Variants in ULK4 observed in about 807,000 individuals in gnomAD.
ULK4 encodes unc-51 like kinase 4.
In ULK4, 133 loss-of-function variants were observed where a neutral mutation model predicts 160.6. The ratio of observed to expected loss-of-function variants is 0.83; its 90% CI spans 0.72 to 0.96. The LOEUF is 0.96. Among genes scored for constraint, ULK4 ranks in the 40% least tolerant of loss-of-function variants. ULK4 has a pLI of 0.00. For synonymous variants in ULK4, 534 were observed against 539.8 expected (o/e 0.99, Z 0.15); for missense variants, 1,580 against 1,499.5 (o/e 1.05, Z -0.89).
chr3:41,303,738 C>T (rs1365399906), intron 35 of ULK4, among the ~76,000 whole-genome samples: 6 of 152,076 alleles, frequency 3.9e-5, no homozygotes, highest in Admixed American at 2.0e-4. Context: ...TTCAGGGTCA[C>T]CTTGGGTAGC....
intron 2 of ULK4, among the ~76,000 whole-genome samples, chr3:41,953,304 A>ATATATATATATATT (rs1181182812): frequency 8.0e-6 from 1 of 124,816 alleles, no homozygotes; most frequent in African/African-American, 3.1e-5. Context: ...ATATATATAT[A>ATATATATATATATT]TTTTTTTTTT....
At chr3:41,384,413 T>C (rs75199026) in intron 35 of ULK4, among the ~76,000 whole-genome samples, 3,709 of 152,190 alleles carry the variant, frequency 0.024, 160 homozygotes, top group African/African-American at 0.08. Flanking sequence ...AAAAAGACTA[T>C]AATAGTCATT....
chr3:41,431,547 C>CCTTTTTTTTTTTTTTTTTTTTTTTT (rs563543377), intron 34 of ULK4, among the ~76,000 whole-genome samples: 57 of 95,870 alleles, frequency 5.9e-4, no homozygotes, highest in Non-Finnish European at 8.5e-4. Flanking sequence ...AATTCCCTCC[C>CCTTTTTTTTTTTTTTTTTTTTTTTT]TTTTTTTTTT....
Position 41,661,509 on chromosome 3 carries a change from A to AG in ULK4, c.3071+2097_3071+2098insC, listed in dbSNP as rs371341692. On this transcript the variant is annotated intron_variant, in intron 30 of 36. Coordinates refer to ENST00000301831, the MANE Select transcript of ULK4 (RefSeq NM_017886.4). ...GGCAGATAGACAGATAGATAGATAG[A>AG]TGATAGATAGATAGATAGATAAATA... 1.2e-4 allele frequency among the ~76,000 whole-genome samples: 13 copies of AG among 110,726 alleles called. No homozygotes were observed. In the African/African-American group the frequency reaches 1.2e-3, roughly 10 times the overall value. 72.6% of individuals were successfully genotyped at this position (110,726 alleles called of 152,430 possible). A position where few individuals can be genotyped will look rare whatever the true frequency, so the allele number is the denominator to read the frequency against.
At chr3:41,690,559 C>T (rs928022561) in intron 27 of ULK4, among the ~76,000 whole-genome samples, 1 of 151,662 alleles carries the variant, frequency 6.6e-6, no homozygotes. Flanking sequence ...TTCTAGGCAG[C>T]CCTCCTCTTT....
At chr3:41,467,211 T>A (rs952735436) in intron 32 of ULK4, among the ~76,000 whole-genome samples, 25 of 152,188 alleles carry the variant, frequency 1.6e-4, no homozygotes, top group Non-Finnish European at 3.7e-4. Flanking sequence ...ACATAAAGAT[T>A]AATTAGAGCT....
Position 41,693,373 on chromosome 3 carries a change from T to C in ULK4, c.2782-11569A>G, listed in dbSNP as rs140815760. ...TACCCTGAAGATACACCTACAACAA[T>C]AGGAAACTAAATATGAACAAGGTTA... On this transcript the variant is annotated intron_variant, in intron 27 of 36. Coordinates refer to ENST00000301831, the MANE Select transcript of ULK4 (RefSeq NM_017886.4). 5.5e-3 allele frequency among the ~76,000 whole-genome samples: 842 copies of C among 152,244 alleles called. 8 individuals are homozygous for C. Among genetic ancestry groups the C allele is most frequent in the African/African-American group, 0.019 (797 of 41,544 alleles).
intron 30 of ULK4, among the ~76,000 whole-genome samples, chr3:41,640,629 T>C (rs2034145786): frequency 6.6e-6 from 1 of 152,124 alleles, no homozygotes; most frequent in African/African-American, 2.4e-5. Context: ...TGTCTCAAAA[T>C]GCTTAAGTCT....
chr3:41,532,401 T>A (rs186730487), intron 32 of ULK4, among the ~76,000 whole-genome samples: 1 of 152,326 alleles, frequency 6.6e-6, no homozygotes, highest in East Asian at 1.9e-4. Flanking sequence ...ATCCCCTTTC[T>A]TCATTTTATT....
At chr3:41,333,063 G>A (rs1221690325) in intron 35 of ULK4, among the ~76,000 whole-genome samples, 1 of 152,206 alleles carries the variant, frequency 6.6e-6, no homozygotes, top group African/African-American at 2.4e-5. Flanking sequence ...GCAAAGCCAT[G>A]ATAAACCCCA....
At chr3:41,363,777 G>T (rs2081195558) in intron 35 of ULK4, among the ~76,000 whole-genome samples, 1 of 152,150 alleles carries the variant, frequency 6.6e-6, no homozygotes, top group Admixed American at 6.5e-5. Flanking sequence ...CTTTCTCTGT[G>T]ACAAGCACTA....
intron 20 of ULK4, among the ~76,000 whole-genome samples, chr3:41,792,284 GGTGT>G (rs149631008): frequency 6.6e-6 from 1 of 151,556 alleles, no homozygotes; most frequent in Non-Finnish European, 1.5e-5. Flanking sequence ...GAGAGGTAGG[GGTGT>G]GTGTGTGTAT....
rs748553286 is a variant in ULK4, at chr3:41,541,927, T to C, written c.3226+24098A>G. ...TTAACTAGACTTTGGGCTGAGATTA[T>C]AGGTTTTCTAAATATACTATCATGT... On this transcript the variant is annotated intron_variant, in intron 32 of 36. Transcript: ENST00000301831. Among the ~76,000 whole-genome samples the C allele has an allele frequency of 6.6e-5, 10 of 152,202 alleles. No homozygotes were observed. The East Asian group carries it at 1.2e-3, about 18-fold the overall frequency.
chr3:41,283,029 A>G (rs969184445), intron 35 of ULK4, among the ~76,000 whole-genome samples: 10 of 152,244 alleles, frequency 6.6e-5, no homozygotes, highest in Non-Finnish European at 1.0e-4. Flanking sequence ...TATGCAGCCA[A>G]CAGACACATG....
intron 35 of ULK4, among the ~76,000 whole-genome samples, chr3:41,275,426 T>G (rs2079212923): frequency 6.6e-6 from 1 of 152,174 alleles, no homozygotes; most frequent in Non-Finnish European, 1.5e-5. Flanking sequence ...AGCAAACCAT[T>G]AAGTACACAG....
intron 35 of ULK4, among the ~76,000 whole-genome samples, chr3:41,256,211 T>C (rs1420592337): frequency 6.6e-6 from 1 of 152,212 alleles, no homozygotes; most frequent in Non-Finnish European, 1.5e-5. Context: ...TCTTGGCCTT[T>C]TGGCTAAGAT....
intron 30 of ULK4, among the ~76,000 whole-genome samples, chr3:41,623,064 A>G (rs2033332604): frequency 6.6e-6 from 1 of 152,196 alleles, no homozygotes; most frequent in African/African-American, 2.4e-5. Context: ...ATAAAATAAA[A>G]TCATATTCCT....
intron 32 of ULK4, among the ~76,000 whole-genome samples, chr3:41,564,449 CTTTTTTTTTTT>C (rs71075476): frequency 6.2e-5 from 5 of 80,930 alleles, no homozygotes; most frequent in African/African-American, 1.9e-4. Context: ...TCTTCTTCTT[CTTTTTTTTTTT>C]TTTTTTTTTT....
intron 20 of ULK4, among the ~76,000 whole-genome samples, chr3:41,799,410 T>C (rs911108051): frequency 1.3e-5 from 2 of 152,118 alleles, no homozygotes; most frequent in Non-Finnish European, 2.9e-5. Flanking sequence ...TCACAGATGC[T>C]TGAACATTAA....
Sources: allele counts gnomAD v4.1 joint callset (sites outside exome capture counted in the v4.1 genomes callset), GRCh38; gene constraint gnomAD v4.1.1; transcripts MANE v1.5; gene names NCBI Gene and HGNC (gene_info 2026-07-23, HGNC 2026-07-21).